The following TAOK3 variants were observed in gnomAD, a reference collection of about 807,000 sequenced individuals.
The protein encoded by TAOK3 is serine/threonine-protein kinase TAO3.
TAOK3 carries 40 observed loss-of-function variants against 120.4 expected under a neutral mutation model. That is an observed-to-expected ratio of 0.33 (90% CI 0.26 to 0.43). The LOEUF is 0.43. Among genes scored for constraint, TAOK3 ranks in the 20% least tolerant of loss-of-function variants. TAOK3 has a pLI of 1.00. For synonymous variants in TAOK3, 355 were observed against 387.5 expected (o/e 0.92, Z 0.99); for missense variants, 821 against 1,112.1 (o/e 0.74, Z 3.72).
intron 4 of TAOK3, 72 bp from the exon 5 acceptor site, chr12:118,243,588 G>A (rs192398095): frequency 1.2e-3 from 664 of 546,258 alleles, no homozygotes; most frequent in Admixed American, 2.5e-3. Flanking sequence ...TCAAGTATAC[G>A]TATATATCAT....
chr12:118,243,421 A>C lies in TAOK3; in HGVS notation c.288T>G (p.Thr96=). 1 of 1,554,844 alleles carries C rather than the reference A, an allele frequency of 6.4e-7. No individual in the cohort carries two copies. The highest frequency in any genetic ancestry group is 8.7e-7 in the Non-Finnish European group (1 of 1,147,320). The part of the protein sequence containing the change: ...EYKGCYLKEH[T]AWLVMEYCLG... ...TAGAGGTCCTTCGACTTACCCAAGC[A>C]GTGTGTTCTTTCAAGTAACAGCCTT... is the stretch of plus-strand genomic sequence containing the variant. The change falls in exon 5 of 21, where the codon ACT becomes ACG. Residue 96 remains threonine, a synonymous_variant. Transcript: ENST00000392533.
intron 1 of TAOK3, among the ~76,000 whole-genome samples, chr12:118,286,048 C>T (rs1317128640): frequency 6.6e-6 from 1 of 152,132 alleles, no homozygotes; most frequent in Non-Finnish European, 1.5e-5. Flanking sequence ...CCTCAGTGAG[C>T]AGAGGGGTGA....
chr12:118,221,454 T>C (rs960561315), intron 9 of TAOK3, among the ~76,000 whole-genome samples: 1 of 152,054 alleles, frequency 6.6e-6, no homozygotes, highest in Non-Finnish European at 1.5e-5. Flanking sequence ...CTCAAACTCC[T>C]GACCTCAGGT....
intron 3 of TAOK3, among the ~76,000 whole-genome samples, chr12:118,249,659 C>CA (rs1175780497): frequency 6.7e-6 from 1 of 150,352 alleles, no homozygotes; most frequent in East Asian, 1.9e-4. Context: ...CCTGTATCTA[C>CA]AAAAAAATTA....
At chr12:118,213,131 C>T (rs1358291091) in intron 10 of TAOK3, 136 bp from the exon 11 acceptor site, 7 of 487,742 alleles carry the variant, frequency 1.4e-5, no homozygotes, top group Admixed American at 3.9e-5. Flanking sequence ...ATCAGGATAA[C>T]TGGAGCATTT....
intron 14 of TAOK3, among the ~76,000 whole-genome samples, chr12:118,189,551 C>T (rs1052202452): frequency 9.0e-6 from 1 of 110,524 alleles, no homozygotes; most frequent in Admixed American, 1.0e-4. Flanking sequence ...CACACACACA[C>T]ACACACACAC....
chr12:118,168,359 C>T (rs1331791049), intron 17 of TAOK3, among the ~76,000 whole-genome samples: 2 of 152,246 alleles, frequency 1.3e-5, no homozygotes, highest in African/African-American at 2.4e-5. Flanking sequence ...CCCATGCACA[C>T]ATGCACACAA....
intron 17 of TAOK3, 140 bp from the exon 18 acceptor site, chr12:118,162,167 T>C (rs1275611058): frequency 1.8e-6 from 2 of 1,093,130 alleles, no homozygotes; most frequent in Non-Finnish European, 2.6e-6. Flanking sequence ...GCAGCAGGAC[T>C]TAATGAGATT....
At chr12:118,347,201 T>A (rs1158804248) in intron 1 of TAOK3, among the ~76,000 whole-genome samples, 3 of 152,082 alleles carry the variant, frequency 2.0e-5, no homozygotes, top group African/African-American at 7.2e-5. Context: ...TTTGTAGAGA[T>A]GAGATCTCAC....
At chr12:118,238,659 G>C (rs918542430) in intron 6 of TAOK3, among the ~76,000 whole-genome samples, 4 of 150,312 alleles carry the variant, frequency 2.7e-5, no homozygotes, top group African/African-American at 9.8e-5. Context: ...TTTGAGACAG[G>C]GGTCTCACTC....
chr12:118,189,559 C>T (rs2139063560), intron 14 of TAOK3, among the ~76,000 whole-genome samples: 1 of 102,992 alleles, frequency 9.7e-6, no homozygotes, highest in Admixed American at 1.2e-4. Flanking sequence ...CACACACACA[C>T]ACACACACAC....
Position 118,160,051 on chromosome 12 carries a change from T to C in TAOK3, c.2352+95A>G. The stretch of plus-strand genomic sequence containing the variant: ...GCAGAAAAACATCAATATCCTAAAT[T>C]TGTGCAAGAATCATCTTGGGAACAA... On this transcript the variant is annotated intron_variant, in intron 19 of 20. Coordinates refer to ENST00000392533, the MANE Select transcript of TAOK3 (RefSeq NM_016281.4). The surrounding 1 kb of genome is among the most constrained non-coding windows in gnomAD (Gnocchi z 4.2). The C allele has an allele frequency of 2.8e-6, 3 of 1,080,726 alleles. No individual in the cohort carries two copies. Among genetic ancestry groups the C allele is most frequent in the South Asian group, 1.4e-5 (1 of 72,676 alleles). The allele number at this position is 1,080,726 out of a possible 1,614,324, so 66.9% of individuals were successfully genotyped here. A position where few individuals can be genotyped will look rare whatever the true frequency, so the allele number is the denominator to read the frequency against.
chr12:118,327,066 T>C (rs2043964286), intron 1 of TAOK3, among the ~76,000 whole-genome samples: 1 of 152,156 alleles, frequency 6.6e-6, no homozygotes, highest in Admixed American at 6.5e-5. Context: ...GCAAAACATC[T>C]CTTAATGTTC....
At chr12:118,300,464 A>G (rs1031836099) in intron 1 of TAOK3, among the ~76,000 whole-genome samples, 17 of 152,162 alleles carry the variant, frequency 1.1e-4, no homozygotes, top group Admixed American at 5.2e-4. Context: ...GGTGTTGAGT[A>G]CCAAAGAGGC....
At chr12:118,356,560 A>G (rs750718902) in intron 1 of TAOK3, among the ~76,000 whole-genome samples, 2 of 151,868 alleles carry the variant, frequency 1.3e-5, no homozygotes, top group Non-Finnish European at 2.9e-5. Flanking sequence ...TCGGCCTCCC[A>G]AAGTGCTGGG....
chr12:118,315,992 A>G (rs1204997837), intron 1 of TAOK3, among the ~76,000 whole-genome samples: 2 of 152,176 alleles, frequency 1.3e-5, no homozygotes, highest in African/African-American at 4.8e-5. Context: ...TTTACAATGG[A>G]AAAAGGAGTA....
chr12:118,176,693 AAAAT>A (rs910069829), intron 16 of TAOK3, among the ~76,000 whole-genome samples: 2 of 152,240 alleles, frequency 1.3e-5, no homozygotes, highest in African/African-American at 2.4e-5. Flanking sequence ...GTCAGATAAA[AAAAT>A]AAATAAATAA....
intron 1 of TAOK3, among the ~76,000 whole-genome samples, chr12:118,367,586 C>T (rs1212240115): frequency 6.6e-6 from 1 of 152,052 alleles, no homozygotes; most frequent in East Asian, 1.9e-4. Context: ...ACATAGCTTA[C>T]AAATAATAAA....
chr12:118,223,571 C>T (rs1043400220), intron 9 of TAOK3, among the ~76,000 whole-genome samples: 2 of 151,716 alleles, frequency 1.3e-5, no homozygotes, highest in African/African-American at 4.8e-5. Flanking sequence ...TGGTCTCGAT[C>T]TCCTGACCTC....
Sources: gnomAD v4.1 joint callset for allele counts (sites outside exome capture counted in the v4.1 genomes callset) on GRCh38, gnomAD v4.1.1 for gene constraint, Gnocchi (gnomAD v3.1) non-coding constraint, MANE v1.5 for transcripts, NCBI Gene and HGNC (gene_info 2026-07-23, HGNC 2026-07-21) for gene names.